Variants in NES observed in about 807,000 individuals in gnomAD.
The protein encoded by NES is nestin.
In NES, 27 loss-of-function variants were observed where a neutral mutation model predicts 35.6. That is an observed-to-expected ratio of 0.76 (90% CI 0.56 to 1.04). The LOEUF (loss-of-function observed/expected upper bound fraction) is 1.04. NES is among the 50% of genes least tolerant of loss of function. The pLI, the probability that NES is intolerant of heterozygous loss-of-function variation, is 0.00. For missense variants in NES, 1,867 were observed against 1,983.6 expected, an observed-to-expected ratio of 0.94 and a Z score of 1.12; for synonymous variants, 822 against 824.2, an observed-to-expected ratio of 1.00 and a Z score of 0.04.
rs1182831374 is a variant in NES, at chr1:156,672,308, G to A, written c.1880C>T (p.Ser627Phe). The A allele has an allele frequency of 6.2e-7, 1 of 1,606,786 alleles. No individual in the cohort carries two copies. The highest frequency in any genetic ancestry group is 8.5e-7 in the Non-Finnish European group (1 of 1,178,224). The change falls in exon 4 of 4, where the codon TCC becomes TTC. Residue 627 changes from serine to phenylalanine, a missense_variant. Transcript: ENST00000368223. ...TGKEDTQTLQSLQKENQELMK... is the reference protein window; with the variant it reads ...TGKEDTQTLQFLQKENQELMK... ...TAGTTCTTGATTCTCCTTTTGCAGG[G>A]ATTGCAATGTCTGTGTGTCCTCTTT...
rs374694782 is a variant in NES at position 156,676,991 on chromosome 1, C to T, written c.274G>A (p.Ala92Thr). Residue 92 changes from alanine to threonine, a missense_variant, in exon 1 of 4, where the codon GCA becomes ACA. Coordinates refer to ENST00000368223, the MANE Select transcript of NES (RefSeq NM_006617.2). The surrounding 1 kb of genome is among the most constrained non-coding windows in gnomAD (Gnocchi z 5.3). ...DNLAEELEGV[A>T]GRCQQLRLAR... Reference sequence around the variant, plus strand: ...AGCCGCAGCTGCTGGCATCGGCCTGCCACGCCCTCCAGCTCTTCAGCCAGG... The same window carrying T: ...AGCCGCAGCTGCTGGCATCGGCCTGTCACGCCCTCCAGCTCTTCAGCCAGG... 29 of 1,580,372 alleles carry T rather than the reference C, an allele frequency of 1.8e-5. No homozygotes were observed. The African/African-American group carries it at 3.7e-4, about 20-fold the overall frequency.
At position 156,677,107 on chromosome 1, in the gene NES, C is replaced by T. The variant is rs1647324257; in HGVS notation, c.158G>A (p.Arg53Gln). 6.2e-7 allele frequency: 1 copy of T among 1,605,220 alleles called. No homozygotes were observed. The highest frequency in any genetic ancestry group is 8.5e-7 in the Non-Finnish European group (1 of 1,176,838). The change falls in exon 1 of 4, where the codon CGG (arginine) becomes CAG (glutamine). Residue 53 changes from arginine to glutamine, a missense_variant. Physicochemically the swap from Arg to Gln is conservative, Grantham distance 43. Coordinates refer to ENST00000368223, the MANE Select transcript of NES (RefSeq NM_006617.2). The surrounding 1 kb of genome is among the most constrained non-coding windows in gnomAD (Gnocchi z 4.5). ...LRAQSADTSW[R>Q]AHADDELAAL... is the part of the protein sequence containing the mutation. ...CGCCAGCTCGTCGTCGGCATGCGCCCGCCAGGAGGTGTCCGCGGATTGTGC... is the reference window on the plus strand; with the variant it reads ...CGCCAGCTCGTCGTCGGCATGCGCCTGCCAGGAGGTGTCCGCGGATTGTGC...
In NES at chr1:156,676,884, AC is replaced by A; in HGVS notation, c.380del (p.Ser127IlefsTer11). The A allele has an allele frequency of 1.3e-6, 2 of 1,537,062 alleles. No homozygotes were observed. Among genetic ancestry groups the A allele is most frequent in the Non-Finnish European group, 1.7e-6 (2 of 1,153,556 alleles). On this transcript the variant is annotated frameshift_variant, in exon 1 of 4. Coordinates refer to ENST00000368223, the MANE Select transcript of NES (RefSeq NM_006617.2). LOFTEE classifies it high-confidence loss of function. The surrounding 1 kb of genome is among the most constrained non-coding windows in gnomAD (Gnocchi z 5.3). ...CGCGCTCCAGCTCTGCCACCTGGCT[AC>A]TCAGCCAGGCCCGGGCGCATTTCTC... ...EAEKCARAWLSSQVAELEREL... is the reference protein window; with the variant it reads ...EAEKCARAWLXSQVAELEREL...
chr1:156,671,604 G>A lies in NES; in HGVS notation c.2584C>T (p.Pro862Ser). 6.2e-7 allele frequency: 1 copy of A among 1,613,944 alleles called. No individual in the cohort carries two copies. The highest frequency in any genetic ancestry group is 2.2e-5 in the East Asian group (1 of 44,886). The change falls in exon 4 of 4, where the codon CCT becomes TCT. Residue 862 changes from proline to serine, a missense_variant. By Grantham distance (74) the Pro-to-Ser change is moderately conservative. Coordinates refer to ENST00000368223, the MANE Select transcript of NES (RefSeq NM_006617.2). ...GGTTCTTGAATTTCCTTTTCTAGAGGATTCATTGCCCCCTGATTTATTTCT... is the reference window on the plus strand; with the variant it reads ...GGTTCTTGAATTTCCTTTTCTAGAGAATTCATTGCCCCCTGATTTATTTCT... ...PEEINQGAMN[P>S]LEKEIQEPLE...
In NES at chr1:156,672,812, G is replaced by A; in HGVS notation, c.1376C>T (p.Ser459Phe). 6.2e-7 allele frequency: 1 copy of A among 1,613,762 alleles called. No homozygotes were observed. Among genetic ancestry groups the A allele is most frequent in the Non-Finnish European group, 8.5e-7 (1 of 1,180,038 alleles). The change falls in exon 4 of 4, where the codon TCC becomes TTC. Residue 459 changes from serine (S) to phenylalanine (F), a missense_variant. Ser to Phe is a radical substitution (Grantham distance 155). Transcript: ENST00000368223. ...TGCCAAGGAGGCATGGTCCTCTGGG[G>A]ACTGGCCTGTACTGGCCTCTTGCCG... ...GQRQEASTGQSPEDHASLAPP... is the reference protein window; with the variant it reads ...GQRQEASTGQFPEDHASLAPP...
In NES at chr1:156,675,196, G is replaced by A. The variant is rs575087490; in HGVS notation, c.908+20C>T. 10 of 1,609,748 alleles carry A rather than the reference G, an allele frequency of 6.2e-6. No homozygotes were observed. The East Asian group carries it at 2.0e-4, about 32-fold the overall frequency. ...TGTGTGTGCCTCTGTGTGCCTGGGT[G>A]GACAGGGCTCGTCTCGTACCTGTAC... On this transcript the variant is annotated intron_variant, in intron 2 of 3. Transcript: ENST00000368223.
rs1272633367 is a variant in NES at position 156,676,895 on chromosome 1, C to A, written c.370G>T (p.Ala124Ser). ...TCTGCCACCTGGCTACTCAGCCAGG[C>A]CCGGGCGCATTTCTCTGCCTCGACG... is the stretch of plus-strand genomic sequence containing the variant. ...RAVEAEKCAR[A>S]WLSSQVAELE... Residue 124 changes from alanine (A) to serine (S), a missense_variant, in exon 1 of 4, where the codon GCC becomes TCC. Physicochemically the swap from Ala to Ser is moderately conservative, Grantham distance 99 (BLOSUM62 1). Coordinates refer to ENST00000368223, the MANE Select transcript of NES (RefSeq NM_006617.2). The surrounding 1 kb of genome is among the most constrained non-coding windows in gnomAD (Gnocchi z 5.3). The A allele has an allele frequency of 1.9e-6, 3 of 1,547,782 alleles. No homozygotes were observed. The highest frequency in any genetic ancestry group is 2.6e-6 in the Non-Finnish European group (3 of 1,157,454).
rs779024455 is a variant in NES, at chr1:156,671,969, TTC to T, written c.2217_2218del (p.Asn740SerfsTer19). 5.6e-6 allele frequency: 9 copies of T among 1,614,044 alleles called. No homozygotes were observed. The highest frequency in any genetic ancestry group is 2.2e-5 in the South Asian group (2 of 91,088). Reference sequence around the variant, plus strand: ...TTCTAAAGACCTCAGTGATTTGTGATTCTCTGTTTCTAGAGGTCTCACAATAC... The same window carrying T: ...TTCTAAAGACCTCAGTGATTTGTGATTCTGTTTCTAGAGGTCTCACAATAC... On this transcript the variant is annotated frameshift_variant, in exon 4 of 4. Coordinates refer to ENST00000368223, the MANE Select transcript of NES (RefSeq NM_006617.2). LOFTEE classifies it low-confidence loss of function (END_TRUNC).
In NES at chr1:156,670,152, G is replaced by C; in HGVS notation, c.4036C>G (p.Pro1346Ala). The change falls in exon 4 of 4, where the codon CCC (proline) becomes GCC (alanine). Residue 1346 changes from proline (P) to alanine (A), a missense_variant. Pro to Ala is a conservative substitution (Grantham distance 27). Coordinates refer to ENST00000368223, the MANE Select transcript of NES (RefSeq NM_006617.2). ...TCCTCCCCCTCCTCCTTTTCTGAGG[G>C]TGGGGCCTCAAGGCCCTCGGAAGCC... ...VLASEGLEAP[P>A]SEKEEGEEGE... 6.2e-7 allele frequency: 1 copy of C among 1,613,998 alleles called. No individual in the cohort carries two copies. The highest frequency in any genetic ancestry group is 8.5e-7 in the Non-Finnish European group (1 of 1,180,004).
In NES at chr1:156,671,153, C is replaced by A; in HGVS notation, c.3035G>T (p.Gly1012Val). ...ATEEVWIPGE[G>V]HPESPEPKEQ... ...TTTGGGCTCAGGGCTCTCTGGGTGC[C>A]CCTCGCCTGGGATCCAGACCTCCTC... Residue 1012 changes from glycine to valine, a missense_variant, in exon 4 of 4, where the codon GGG becomes GTG. Physicochemically the swap from Gly to Val is moderately radical, Grantham distance 109. Coordinates refer to ENST00000368223, the MANE Select transcript of NES (RefSeq NM_006617.2). 3 of 1,614,074 alleles carry A rather than the reference C, an allele frequency of 1.9e-6. No individual in the cohort carries two copies. The highest frequency in any genetic ancestry group is 2.5e-6 in the Non-Finnish European group (3 of 1,180,014).
chr1:156,672,840 G>A lies in NES; in HGVS notation c.1348C>T (p.Gln450Ter). 1 of 1,613,910 alleles carries A rather than the reference G, an allele frequency of 6.2e-7. No individual in the cohort carries two copies. The highest frequency in any genetic ancestry group is 1.1e-5 in the South Asian group (1 of 91,088). ...VLPGPEEPGG[Q>*]RQEASTGQSP... ...TGGCCTGTACTGGCCTCTTGCCGCT[G>A]GCCCCCAGGCTCCTCTGGTCCAGGC... Residue 450 changes from glutamine to a stop codon, truncating the protein, a stop_gained, in exon 4 of 4, where the codon CAG (glutamine) becomes TAG (stop). Coordinates refer to ENST00000368223, the MANE Select transcript of NES (RefSeq NM_006617.2). LOFTEE classifies it low-confidence loss of function (END_TRUNC).
In NES at chr1:156,677,054, A is replaced by C; in HGVS notation, c.211T>G (p.Trp71Gly). 3 of 1,596,348 alleles carry C rather than the reference A, an allele frequency of 1.9e-6. No individual in the cohort carries two copies. The highest frequency in any genetic ancestry group is 2.6e-6 in the Non-Finnish European group (3 of 1,173,696). The change falls in exon 1 of 4, where the codon TGG becomes GGG. Residue 71 changes from tryptophan (W) to glycine (G), a missense_variant. Trp to Gly is a radical substitution (Grantham distance 184). Transcript: ENST00000368223. This position sits in a 1 kb window ranked among gnomAD's most constrained non-coding sequence, Gnocchi z 4.5. Reference protein sequence around the residue: ...AALRALVDQRWREKHAAEVAR... With the variant: ...AALRALVDQRGREKHAAEVAR... ...ACCTCGGCCGCGTGCTTCTCCCGCC[A>C]GCGTTGGTCAACGAGGGCCCGCAGG...
Position 156,671,268 on chromosome 1 carries a change from T to C in NES, c.2920A>G (p.Asn974Asp). The change falls in exon 4 of 4, where the codon AAT (asparagine) becomes GAT (aspartate). Residue 974 changes from asparagine (N) to aspartate (D), a missense_variant. Coordinates refer to ENST00000368223, the MANE Select transcript of NES (RefSeq NM_006617.2). ...AGATTCAGCTCTGCCTCATCCTCAT[T>C]TTCCACTCCAGCCATCCCAGGAGGG... ...ESPPGMAGVE[N>D]EDEAELNLRE... 2 of 1,614,106 alleles carry C rather than the reference T, an allele frequency of 1.2e-6. No individual in the cohort carries two copies. The highest frequency in any genetic ancestry group is 2.2e-5 in the South Asian group (2 of 91,082).
In NES at chr1:156,668,955, G is replaced by A. The variant is rs552381828; in HGVS notation, c.*367C>T. On this transcript the variant is annotated 3_prime_UTR_variant, in exon 4 of 4. Coordinates refer to ENST00000368223, the MANE Select transcript of NES (RefSeq NM_006617.2). ...GAGGTGGCGCAGGGCTGGTGAGCTT[G>A]GGCACAAAAGCCAGCATGTCACCCT... is the stretch of plus-strand genomic sequence containing the variant. The A allele has an allele frequency of 8.5e-5, 16 of 189,170 alleles. No homozygotes were observed. The East Asian group carries it at 2.2e-3, about 26-fold the overall frequency. 11.7% of individuals were successfully genotyped at this position (189,170 alleles called of 1,614,324 possible). A position where few individuals can be genotyped will look rare whatever the true frequency, so the allele number is the denominator to read the frequency against.
In NES at chr1:156,676,629, G is replaced by T; in HGVS notation, c.636C>A (p.Gly212=). The change falls in exon 1 of 4, where the codon GGC becomes GGA. Residue 212 remains glycine (G), a synonymous_variant. Transcript: ENST00000368223. This position sits in a 1 kb window ranked among gnomAD's most constrained non-coding sequence, Gnocchi z 5.3. ...CCTCGCGGGCACCCTGCACCGCCCG[G>T]CCCAGCCGCTCGCGGGCCTGGCCCA... is the stretch of plus-strand genomic sequence containing the variant. ...TSLGQARERL[G]RAVQGAREGR... 1 of 1,538,422 alleles carries T rather than the reference G, an allele frequency of 6.5e-7. No individual in the cohort carries two copies. The highest frequency in any genetic ancestry group is 1.2e-5 in the South Asian group (1 of 84,672).
At position 156,671,802 on chromosome 1, in the gene NES, C is replaced by G. The variant is rs1454716029; in HGVS notation, c.2386G>C (p.Ala796Pro). The G allele has an allele frequency of 6.2e-7, 1 of 1,613,992 alleles. No homozygotes were observed. The highest frequency in any genetic ancestry group is 1.7e-5 in the Admixed American group (1 of 59,996). The change falls in exon 4 of 4, where the codon GCT becomes CCT. Residue 796 changes from alanine (A) to proline (P), a missense_variant. By Grantham distance (27) the Ala-to-Pro change is conservative (BLOSUM62 -1). Transcript: ENST00000368223. ...TGATTCTCATTTTCAAGAGGTCTAG[C>G]TATCTCCTGGTCAAGAGACTTCAGT... The part of the protein sequence containing the change: ...EPLKSLDQEI[A>P]RPLENENQEF...
In NES at chr1:156,672,819, C is replaced by T. The variant is rs1679763329; in HGVS notation, c.1369G>A (p.Gly457Ser). 1.2e-6 allele frequency: 2 copies of T among 1,613,684 alleles called. No individual in the cohort carries two copies. Among genetic ancestry groups the T allele is most frequent in the Non-Finnish European group, 1.7e-6 (2 of 1,180,048 alleles). Residue 457 changes from glycine to serine, a missense_variant, in exon 4 of 4, where the codon GGC (glycine) becomes AGC (serine). Gly to Ser is a moderately conservative substitution (Grantham distance 56, BLOSUM62 0). Coordinates refer to ENST00000368223, the MANE Select transcript of NES (RefSeq NM_006617.2). ...PGGQRQEAST[G>S]QSPEDHASLA... ...GAGGCATGGTCCTCTGGGGACTGGC[C>T]TGTACTGGCCTCTTGCCGCTGGCCC...
Position 156,676,628 on chromosome 1 carries a change from G to A in NES, c.637C>T (p.Arg213Trp), listed in dbSNP as rs777796696. The A allele has an allele frequency of 3.9e-6, 6 of 1,538,874 alleles. No individual in the cohort carries two copies. In the African/African-American group the frequency reaches 5.6e-5, roughly 14 times the overall value. ...SLGQARERLG[R>W]AVQGAREGRL... is the part of the protein sequence containing the mutation. ...CCCTCGCGGGCACCCTGCACCGCCC[G>A]GCCCAGCCGCTCGCGGGCCTGGCCC... The change falls in exon 1 of 4, where the codon CGG becomes TGG. Residue 213 changes from arginine to tryptophan, a missense_variant. Transcript: ENST00000368223. The surrounding 1 kb of genome is among the most constrained non-coding windows in gnomAD (Gnocchi z 5.3).
chr1:156,669,882 G>A lies in NES; in HGVS notation c.4306C>T (p.Arg1436Trp), dbSNP rs564617470. 3.3e-5 allele frequency: 53 copies of A among 1,594,654 alleles called. No homozygotes were observed. Among genetic ancestry groups the A allele is most frequent in the South Asian group, 1.4e-4 (13 of 90,552 alleles). ...CCAACAGAAGACCCTGGCCCCCACC[G>A]CCCAGCCCCTGGCTCCCTCCCCTCC... ...QEEGREPGAG[R>W]WGPGSSVGSL... Residue 1436 changes from arginine to tryptophan, a missense_variant, in exon 4 of 4, where the codon CGG becomes TGG. Physicochemically the swap from Arg to Trp is moderately radical, Grantham distance 101. Transcript: ENST00000368223.
Sources: gnomAD v4.1 joint callset for allele counts on GRCh38, gnomAD v4.1.1 for gene constraint, Gnocchi (gnomAD v3.1) non-coding constraint, MANE v1.5 for transcripts, NCBI Gene and HGNC (gene_info 2026-07-23, HGNC 2026-07-21) for gene names.